PACS2: variants seen among roughly 807,000 people sequenced by gnomAD.
PACS2 encodes PACS1-like protein.
A neutral mutation model predicts 113.0 loss-of-function variants in PACS2; 36 were observed. The ratio of observed to expected loss-of-function variants is 0.32; its 90% CI spans 0.24 to 0.42. PACS2 has a LOEUF of 0.42. Ranked by LOEUF, PACS2 falls within the 10% of genes least tolerant of loss-of-function variation. The pLI, the probability that PACS2 is intolerant of heterozygous loss-of-function variation, is 1.00. For synonymous variants in PACS2, 589 were observed against 536.1 expected (o/e 1.10, Z -1.36); for missense variants, 1,015 against 1,239.5 (o/e 0.82, Z 2.72).
chr14:105,370,066 G>T, intron 8 of PACS2, 166 bp downstream of exon 8: 2 of 604,882 alleles, frequency 3.3e-6, no homozygotes, highest in Non-Finnish European at 2.9e-6. Context: ...CAGTGGCACT[G>T]CCTCCCGGGC....
upstream of PACS2, among the ~76,000 whole-genome samples, chr14:105,310,171 C>T (rs921661945): frequency 6.6e-6 from 1 of 152,040 alleles, no homozygotes; most frequent in Non-Finnish European, 1.5e-5. Flanking sequence ...GCTTCTCTAA[C>T]CATTTTCCAC....
At chr14:105,362,394 G>A (rs1256745008) in intron 4 of PACS2, among the ~76,000 whole-genome samples, 1 of 149,258 alleles carries the variant, frequency 6.7e-6, no homozygotes, top group Non-Finnish European at 1.5e-5. Context: ...TCCAGCCTGG[G>A]CGACAGAGCG....
intron 4 of PACS2, among the ~76,000 whole-genome samples, chr14:105,363,773 C>G (rs587737328): frequency 6.6e-6 from 1 of 152,156 alleles, no homozygotes; most frequent in Non-Finnish European, 1.5e-5. Flanking sequence ...CACCCTGTCT[C>G]GGCTCTGACG....
chr14:105,390,362 G>A (rs971140954), intron 20 of PACS2: 42 of 326,434 alleles, frequency 1.3e-4, no homozygotes, highest in South Asian at 1.1e-3. Context: ...GGAGCCCAAG[G>A]CCCCGGGAGC....
chr14:105,304,248 T>C (rs1878621810), intron 1 of PACS2, among the ~76,000 whole-genome samples: 1 of 151,990 alleles, frequency 6.6e-6, no homozygotes, highest in Non-Finnish European at 1.5e-5. Flanking sequence ...TCCCAGCACT[T>C]TGGGAGGCTG....
chr14:105,344,796 A>G (rs1428833009), intron 1 of PACS2, among the ~76,000 whole-genome samples: 1 of 151,940 alleles, frequency 6.6e-6, no homozygotes, highest in African/African-American at 2.4e-5. Flanking sequence ...TTGGGGTTTA[A>G]TATGTTCTTC....
intron 1 of PACS2, among the ~76,000 whole-genome samples, chr14:105,333,797 CCATGG>C (rs1356345407): frequency 6.6e-6 from 1 of 152,228 alleles, no homozygotes; most frequent in Non-Finnish European, 1.5e-5. Flanking sequence ...AGCCTGTGGC[CCATGG>C]CAGGGCTGCC....
upstream of PACS2, among the ~76,000 whole-genome samples, chr14:105,312,236 G>A (rs1002372261): frequency 2.0e-5 from 3 of 152,206 alleles, no homozygotes; most frequent in African/African-American, 4.8e-5. Context: ...GAAAGGCCTC[G>A]GCCCATCCTG....
At chr14:105,392,968 A>C in intron 23 of PACS2, 123 bp downstream of exon 23, 1 of 750,086 alleles carries the variant, frequency 1.3e-6, no homozygotes, top group Non-Finnish European at 2.2e-6. Context: ...ATGCGCAGGC[A>C]GGGGCGGGTG....
intron 1 of PACS2, among the ~76,000 whole-genome samples, chr14:105,304,021 G>A (rs1200594669): frequency 6.6e-6 from 1 of 152,214 alleles, no homozygotes; most frequent in Non-Finnish European, 1.5e-5. Context: ...GGGTTATTTC[G>A]TGTGCTCCCT....
In PACS2 at chr14:105,376,956, C is replaced by T. The variant is rs587627557; in HGVS notation, c.959+31C>T. On this transcript the variant is annotated intron_variant, in intron 9 of 24. Coordinates refer to ENST00000447393, the MANE Select transcript of PACS2 (RefSeq NM_001100913.3). The surrounding 1 kb of genome is among the most constrained non-coding windows in gnomAD (Gnocchi z 4.7). ...CCCTACAGGGCGGGGCGGGGAGGAA[C>T]AGCCATTTCAGATGCCCCGGCCACT... The T allele has an allele frequency of 1.4e-5, 21 of 1,554,650 alleles. No individual in the cohort carries two copies. Among genetic ancestry groups the T allele is most frequent in the Middle Eastern group, 1.7e-4 (1 of 5,806 alleles).
In PACS2 at chr14:105,375,612, A is replaced by G. The variant is rs79950346; in HGVS notation, c.802-1156A>G. ...TTAGGGAAATGTAAACCAAACCACA[A>G]TGAGACACTACTTGATCCCCACTAG... On this transcript the variant is annotated intron_variant, in intron 8 of 24. Coordinates refer to ENST00000447393, the MANE Select transcript of PACS2 (RefSeq NM_001100913.3). Among the ~76,000 whole-genome samples the G allele has an allele frequency of 7.8e-4, 119 of 152,318 alleles. 3 individuals carry two copies. In the East Asian group the frequency reaches 0.015, roughly 20 times the overall value.
chr14:105,393,504 C>A, intron 24 of PACS2, 169 bp downstream of exon 24: 1 of 467,766 alleles, frequency 2.1e-6, no homozygotes, highest in Non-Finnish European at 3.7e-6. Context: ...TGACAACCTT[C>A]CAAATGCTGA....
intron 18 of PACS2, 28 bp downstream of exon 18, chr14:105,385,015 C>T: frequency 1.5e-6 from 2 of 1,375,338 alleles, no homozygotes; most frequent in South Asian, 1.2e-5. Flanking sequence ...GGCACCATAC[C>T]ACAGGCTGCC....
chr14:105,319,365 TGA>T (rs2140826022), intron 1 of PACS2, among the ~76,000 whole-genome samples: 1 of 152,380 alleles, frequency 6.6e-6, no homozygotes, highest in South Asian at 2.1e-4. Flanking sequence ...TTCTCATTCA[TGA>T]TCAAGCTATT....
intron 2 of PACS2, among the ~76,000 whole-genome samples, chr14:105,351,533 ATTC>A (rs1302342338): frequency 2.0e-5 from 3 of 152,160 alleles, no homozygotes; most frequent in African/African-American, 4.8e-5. Context: ...AGGCCTGATC[ATTC>A]TTCTTTTTAG....
chr14:105,377,123 C>A (rs186175593), intron 9 of PACS2, among the ~76,000 whole-genome samples, 198 bp downstream of exon 9: 1 of 152,268 alleles, frequency 6.6e-6, no homozygotes, highest in East Asian at 1.9e-4. Flanking sequence ...CTGCACTGAG[C>A]CAGGCAGCTT....
intron 1 of PACS2, among the ~76,000 whole-genome samples, chr14:105,304,331 A>C (rs944508331): frequency 6.6e-6 from 1 of 152,154 alleles, no homozygotes; most frequent in Non-Finnish European, 1.5e-5. Context: ...TTTCCAAAAA[A>C]TACAAAAATT....
chr14:105,391,467 G>T (rs1397602615), intron 21 of PACS2, 164 bp from the exon 22 acceptor site: 1 of 706,080 alleles, frequency 1.4e-6, no homozygotes, highest in Non-Finnish European at 2.3e-6. Flanking sequence ...TCCAAAAACC[G>T]AGGAGAATCC....
Sources: gnomAD v4.1 joint callset for allele counts (sites outside exome capture counted in the v4.1 genomes callset) on GRCh38, gnomAD v4.1.1 for gene constraint, Gnocchi (gnomAD v3.1) non-coding constraint, MANE v1.5 for transcripts, NCBI Gene and HGNC (gene_info 2026-07-23, HGNC 2026-07-21) for gene names.